Variants in AUH observed in about 807,000 individuals in gnomAD.
The protein encoded by AUH is AU RNA binding methylglutaconyl-CoA hydratase.
In AUH, 29 loss-of-function variants were observed where a neutral mutation model predicts 42.3. The ratio of observed to expected loss-of-function variants is 0.69; its 90% CI spans 0.51 to 0.93. The LOEUF (loss-of-function observed/expected upper bound fraction) is 0.93. Among genes scored for constraint, AUH ranks in the 40% least tolerant of loss-of-function variants. The probability of loss-of-function intolerance (pLI) is 0.00; values close to 1 mark genes in which losing one functional copy is unlikely to be tolerated. For missense variants in AUH, 452 were observed against 438.1 expected (o/e 1.03, Z -0.28); for synonymous variants, 174 against 166.4 (o/e 1.05, Z -0.35).
At chr9:91,347,544 T>C (rs1288449500) in intron 3 of AUH, among the ~76,000 whole-genome samples, 1 of 151,946 alleles carries the variant, frequency 6.6e-6, no homozygotes, top group Admixed American at 6.6e-5. Flanking sequence ...TGCCCCCCCA[T>C]CCTGAAGCTA....
chr9:91,259,981 T>A (rs1829624375), intron 6 of AUH, among the ~76,000 whole-genome samples: 1 of 152,152 alleles, frequency 6.6e-6, no homozygotes, highest in Non-Finnish European at 1.5e-5. Flanking sequence ...ACTTGCTCTA[T>A]CAATTATGTA....
chr9:91,349,725 GGAGAGA>G (rs926338693), intron 3 of AUH, among the ~76,000 whole-genome samples: 1 of 151,592 alleles, frequency 6.6e-6, no homozygotes, highest in Non-Finnish European at 1.5e-5. Flanking sequence ...AGAGGGAGAG[GGAGAGA>G]GAGAGAAGGT....
At chr9:91,264,750 C>T (rs1256636749) in intron 6 of AUH, among the ~76,000 whole-genome samples, 2 of 152,118 alleles carry the variant, frequency 1.3e-5, no homozygotes, top group African/African-American at 2.4e-5. Flanking sequence ...TAGTGGGATC[C>T]TATCTCTAAA....
intron 4 of AUH, among the ~76,000 whole-genome samples, chr9:91,300,225 AG>A (rs1451516229): frequency 6.6e-6 from 1 of 151,956 alleles, no homozygotes; most frequent in African/African-American, 2.4e-5. Flanking sequence ...AGCTCTTCCC[AG>A]GAGATCTCAT....
intron 3 of AUH, among the ~76,000 whole-genome samples, chr9:91,354,312 A>T (rs1383595035): frequency 6.6e-6 from 1 of 152,268 alleles, no homozygotes; most frequent in Non-Finnish European, 1.5e-5. Flanking sequence ...ATACAGTCAC[A>T]AATCTTGAGT....
chr9:91,222,054 C>T (rs1411913016), intron 6 of AUH, among the ~76,000 whole-genome samples: 1 of 130,300 alleles, frequency 7.7e-6, no homozygotes, highest in Admixed American at 7.4e-5. Flanking sequence ...TGACGCCCAC[C>T]ATCTACACAA....
At chr9:91,254,415 A>C (rs1829300496) in intron 6 of AUH, among the ~76,000 whole-genome samples, 1 of 152,218 alleles carries the variant, frequency 6.6e-6, no homozygotes, top group Admixed American at 6.5e-5. Context: ...ATGAAAATAA[A>C]GTGTTCAATG....
At chr9:91,241,920 G>T (rs1828542525) in intron 6 of AUH, among the ~76,000 whole-genome samples, 1 of 152,166 alleles carries the variant, frequency 6.6e-6, no homozygotes, top group Non-Finnish European at 1.5e-5. Flanking sequence ...CATGTCTAAT[G>T]ATTTAAATAA....
chr9:91,350,300 T>G (rs1000210297), intron 3 of AUH, among the ~76,000 whole-genome samples: 10 of 152,210 alleles, frequency 6.6e-5, no homozygotes, highest in African/African-American at 2.2e-4. Flanking sequence ...AGGTTCTAGA[T>G]TAGAAACCAC....
At chr9:91,302,563 T>A (rs1342808045) in intron 4 of AUH, among the ~76,000 whole-genome samples, 1 of 152,034 alleles carries the variant, frequency 6.6e-6, no homozygotes, top group Non-Finnish European at 1.5e-5. Context: ...CACTCCAGCC[T>A]GGGCAACAAG....
At chr9:91,270,985 T>C (rs900289031) in intron 6 of AUH, among the ~76,000 whole-genome samples, 1 of 152,214 alleles carries the variant, frequency 6.6e-6, no homozygotes, top group Non-Finnish European at 1.5e-5. Context: ...TTGAATTTCA[T>C]GTAGAATGAG....
intron 4 of AUH, among the ~76,000 whole-genome samples, chr9:91,319,855 G>A (rs935120748): frequency 5.3e-5 from 8 of 152,156 alleles, no homozygotes; most frequent in African/African-American, 1.7e-4. Context: ...CAAACGGTGC[G>A]CCTGATCTCT....
intron 6 of AUH, among the ~76,000 whole-genome samples, chr9:91,254,839 G>A (rs1829324104): frequency 1.3e-5 from 2 of 152,126 alleles, no homozygotes; most frequent in Non-Finnish European, 2.9e-5. Flanking sequence ...AATTACCTAT[G>A]TGACCTTGGA....
intron 6 of AUH, among the ~76,000 whole-genome samples, chr9:91,229,252 T>C (rs1827718294): frequency 6.7e-6 from 1 of 148,894 alleles, no homozygotes; most frequent in South Asian, 2.2e-4. Context: ...ATTGGGTGCA[T>C]ATATATTTAG....
rs148469302 is a variant in AUH, at chr9:91,340,082, A to C, written c.419-14678T>G. Reference sequence around the variant, plus strand: ...GAAAATTACTAGAGAAAGAAAAAACAACCAGGGAGCTATGAAATGAACAAA... The same window carrying C: ...GAAAATTACTAGAGAAAGAAAAAACCACCAGGGAGCTATGAAATGAACAAA... On this transcript the variant is annotated intron_variant, in intron 3 of 9. Coordinates refer to ENST00000375731, the MANE Select transcript of AUH (RefSeq NM_001698.3). 3.1e-3 allele frequency among the ~76,000 whole-genome samples: 472 copies of C among 152,316 alleles called. 2 individuals are homozygous for C. The highest frequency in any genetic ancestry group is 6.8e-3 in the Middle Eastern group (2 of 294).
chr9:91,244,065 A>G (rs568329299), intron 6 of AUH, among the ~76,000 whole-genome samples: 7 of 152,350 alleles, frequency 4.6e-5, no homozygotes, highest in Non-Finnish European at 8.8e-5. Context: ...ACTCTAAGAC[A>G]TATCTCAAGA....
At chr9:91,333,716 C>A (rs1830497884) in intron 3 of AUH, among the ~76,000 whole-genome samples, 1 of 152,200 alleles carries the variant, frequency 6.6e-6, no homozygotes, top group Non-Finnish European at 1.5e-5. Flanking sequence ...CTTTAGCACT[C>A]TGGTGAAAAA....
intron 4 of AUH, among the ~76,000 whole-genome samples, chr9:91,299,752 A>G (rs1156508679): frequency 2.0e-5 from 3 of 152,210 alleles, no homozygotes; most frequent in African/African-American, 7.2e-5. Flanking sequence ...CTGAGCTACT[A>G]CAAGTAGAAT....
In AUH at chr9:91,217,318, C is replaced by T; in HGVS notation, c.853G>A (p.Ala285Thr). The T allele has an allele frequency of 1.9e-6, 3 of 1,613,618 alleles. No homozygotes were observed. In the South Asian group the frequency reaches 3.3e-5, roughly 18 times the overall value. The change falls in exon 8 of 10, where the codon GCA (alanine) becomes ACA (threonine). Residue 285 changes from alanine to threonine, a missense_variant. Ala to Thr is a moderately conservative substitution (Grantham distance 58). Transcript: ENST00000375731. ...ATTGCTAATTTTGCCACTCTCATTG[C>T]AACAGGTCCCTAAAATTCAAATTAA... Reference protein sequence around the residue: ...AREFLPQGPVAMRVAKLAINQ... With the variant: ...AREFLPQGPVTMRVAKLAINQ...
Sources: gnomAD v4.1 joint callset for allele counts (sites outside exome capture counted in the v4.1 genomes callset) on GRCh38, gnomAD v4.1.1 for gene constraint, MANE v1.5 for transcripts, NCBI Gene and HGNC (gene_info 2026-07-23, HGNC 2026-07-21) for gene names.